Variants in STAMBP observed in about 807,000 individuals in gnomAD.
STAMBP encodes STAM-binding protein.
In STAMBP, 31 loss-of-function variants were observed where a neutral mutation model predicts 50.7. The ratio of observed to expected loss-of-function variants is 0.61; its 90% CI spans 0.46 to 0.83. The LOEUF (loss-of-function observed/expected upper bound fraction) is 0.83. Ranked by LOEUF, STAMBP falls within the 40% of genes least tolerant of loss-of-function variation. The pLI is 0.00. For missense variants in STAMBP, 472 were observed against 518.9 expected (o/e 0.91, Z 0.88); for synonymous variants, 211 against 192.4 (o/e 1.10, Z -0.80).
At chr2:73,854,817 A>G (rs1269083184) in intron 7 of STAMBP, among the ~76,000 whole-genome samples, 1 of 151,908 alleles carries the variant, frequency 6.6e-6, no homozygotes, top group East Asian at 1.9e-4. Context: ...GCAAGACCTC[A>G]TCTCTATAAA....
intron 8 of STAMBP, among the ~76,000 whole-genome samples, chr2:73,859,568 C>A (rs1678035343): frequency 6.6e-6 from 1 of 151,964 alleles, no homozygotes; most frequent in South Asian, 2.1e-4. Context: ...ATCCAAGTAA[C>A]AACTTAGTTG....
At chr2:73,857,616 A>T (rs1677725178) in intron 7 of STAMBP, among the ~76,000 whole-genome samples, 1 of 152,188 alleles carries the variant, frequency 6.6e-6, no homozygotes, top group African/African-American at 2.4e-5. Context: ...TTGGTATGTC[A>T]TCTATAACCA....
chr2:73,859,403 G>A (rs113466284), intron 8 of STAMBP, 37 bp downstream of exon 8: 12 of 1,533,728 alleles, frequency 7.8e-6, no homozygotes, highest in Middle Eastern at 1.7e-4. Flanking sequence ...TGTTTCAAGG[G>A]GGTAGTAGGG....
chr2:73,872,655 T>C (rs1338222783), intron 10 of STAMBP, among the ~76,000 whole-genome samples: 1 of 152,198 alleles, frequency 6.6e-6, no homozygotes, highest in Non-Finnish European at 1.5e-5. Context: ...GGAACCCAAG[T>C]GAGGGAGAAA....
chr2:73,861,981 C>T (rs1168823469), intron 9 of STAMBP, among the ~76,000 whole-genome samples: 1 of 151,944 alleles, frequency 6.6e-6, no homozygotes, highest in Non-Finnish European at 1.5e-5. Flanking sequence ...CTACTAAAAA[C>T]ACAAAATTAG....
chr2:73,842,794 T>C (rs1169635423), intron 2 of STAMBP, among the ~76,000 whole-genome samples: 1 of 152,216 alleles, frequency 6.6e-6, no homozygotes, highest in Non-Finnish European at 1.5e-5. Context: ...ATCAAATATT[T>C]ATTGAGTGCC....
Position 73,850,110 on chromosome 2 carries a change from T to C in STAMBP, c.868-266T>C, listed in dbSNP as rs1676624657. 6.6e-6 allele frequency among the ~76,000 whole-genome samples: 1 copy of C among 152,050 alleles called. No homozygotes were observed. The highest frequency in any genetic ancestry group is 2.1e-4 in the South Asian group (1 of 4,816). On this transcript the variant is annotated intron_variant, in intron 6 of 9. Transcript: ENST00000394070. The surrounding 1 kb of genome is among the most constrained non-coding windows in gnomAD (Gnocchi z 4.3). ...ACCCAGAGCTTCTCAGCAGAGCAGT[T>C]TGGCACAGCAGGAAATTCCCTCAGG...
intron 2 of STAMBP, among the ~76,000 whole-genome samples, chr2:73,837,669 T>C (rs1674898083): frequency 6.6e-6 from 1 of 151,924 alleles, no homozygotes; most frequent in Non-Finnish European, 1.5e-5. Context: ...AAAACTGTTT[T>C]TCCATAAAAT....
chr2:73,855,945 T>G (rs895899347), intron 7 of STAMBP, among the ~76,000 whole-genome samples: 17 of 152,240 alleles, frequency 1.1e-4, no homozygotes, highest in African/African-American at 3.4e-4. Context: ...TTATTGTCTG[T>G]GCTTTTCTGT....
In STAMBP at chr2:73,836,544, C is replaced by A. The variant is rs560865750; in HGVS notation, c.203+5485C>A. On this transcript the variant is annotated intron_variant, in intron 2 of 9. Transcript: ENST00000394070. ...GGAGGGAGCTGTGGGAGGAATAGAC[C>A]CTGTCCAGCCCCAGCCCTGAGCAGG... Among the ~76,000 whole-genome samples, 10 of 152,320 alleles carry A rather than the reference C, an allele frequency of 6.6e-5. No homozygotes were observed. The South Asian group carries it at 2.1e-3, about 32-fold the overall frequency.
intron 7 of STAMBP, among the ~76,000 whole-genome samples, chr2:73,853,782 A>G (rs562780045): frequency 1.3e-5 from 2 of 152,324 alleles, no homozygotes; most frequent in South Asian, 2.1e-4. Context: ...CTATGTACAT[A>G]CACTACCTAG....
Position 73,849,461 on chromosome 2 carries a change from A to G in STAMBP, c.841A>G (p.Thr281Ala). ...ASANTARGVETCGILCGKLMR... is the reference protein window; with the variant it reads ...ASANTARGVEACGILCGKLMR... ...TGCCAACACTGCCCGGGGAGTGGAG[A>G]CATGTGGAATTCTCTGTGGAAAACT... The change falls in exon 6 of 10, where the codon ACA (threonine) becomes GCA (alanine). Residue 281 changes from threonine (T) to alanine (A), a missense_variant. By Grantham distance (58) the Thr-to-Ala change is moderately conservative. Transcript: ENST00000394070. 6.2e-7 allele frequency: 1 copy of G among 1,609,104 alleles called. No individual in the cohort carries two copies. Among genetic ancestry groups the G allele is most frequent in the Non-Finnish European group, 8.5e-7 (1 of 1,178,430 alleles).
At chr2:73,860,421 C>T in intron 9 of STAMBP, 11 of 564,736 alleles carry the variant, frequency 1.9e-5, no homozygotes, top group Non-Finnish European at 2.8e-5. Flanking sequence ...ATAATAACAC[C>T]TACTTTATAG....
rs1678628609 is a variant in STAMBP at position 73,864,003 on chromosome 2, T to C, written c.*1744T>C. On this transcript the variant is annotated 3_prime_UTR_variant, in exon 10 of 10. Coordinates refer to ENST00000394070, the MANE Select transcript of STAMBP (RefSeq NM_213622.4). ...TAAATTTAGCTTTTAGTCAGAACTT[T>C]CCACTTAAAGTTCTTACCCCTGGCT... 6.6e-6 allele frequency: 1 copy of C among 152,236 alleles called. No homozygotes were observed. Among genetic ancestry groups the C allele is most frequent in the Non-Finnish European group, 1.5e-5 (1 of 68,040 alleles). The allele number at this position is 152,236 out of a possible 1,614,324, so 9.4% of individuals were successfully genotyped here.
downstream of STAMBP, among the ~76,000 whole-genome samples, chr2:73,870,850 C>G (rs1679171894): frequency 6.6e-6 from 1 of 152,208 alleles, no homozygotes; most frequent in African/African-American, 2.4e-5. Flanking sequence ...ACCCTGCTTG[C>G]CACACTTAGA....
rs1326811309 is a variant in STAMBP at position 73,860,096 on chromosome 2, C to G, written c.1163C>G (p.Ser388Cys). Residue 388 changes from serine to cysteine, a missense_variant, in exon 9 of 10, where the codon TCT becomes TGT. By Grantham distance (112) the Ser-to-Cys change is moderately radical. Transcript: ENST00000394070. ...KLTDHGLEEI[S>C]SCRQKGFHPH... ...ACTGACCATGGACTAGAGGAGATTT[C>G]TTCCTGTCGCCAGAAAGGATTTCAT... is the stretch of plus-strand genomic sequence containing the variant. 1 of 1,613,304 alleles carries G rather than the reference C, an allele frequency of 6.2e-7. No individual in the cohort carries two copies. The highest frequency in any genetic ancestry group is 1.3e-5 in the African/African-American group (1 of 74,292).
downstream of STAMBP, among the ~76,000 whole-genome samples, chr2:73,868,876 CAAAAAAA>C (rs1679075908): frequency 6.8e-6 from 1 of 146,496 alleles, no homozygotes; most frequent in African/African-American, 2.6e-5. Flanking sequence ...GGCCTTGACT[CAAAAAAA>C]GAAAAAAAAA....
intron 4 of STAMBP, among the ~76,000 whole-genome samples, chr2:73,845,895 G>A (rs933656488): frequency 7.2e-5 from 11 of 152,218 alleles, no homozygotes; most frequent in African/African-American, 2.7e-4. Context: ...GCCTTCCAAA[G>A]TGCTGGGATT....
intron 8 of STAMBP, among the ~76,000 whole-genome samples, chr2:73,859,727 A>AAAAAAAT (rs989302803): frequency 1.3e-5 from 2 of 151,542 alleles, no homozygotes; most frequent in African/African-American, 4.8e-5. Flanking sequence ...TAAAAAAATA[A>AAAAAAAT]AAATAAAAAA....
Sources: allele counts gnomAD v4.1 joint callset (sites outside exome capture counted in the v4.1 genomes callset), GRCh38; gene constraint gnomAD v4.1.1; non-coding constraint Gnocchi (gnomAD v3.1); transcripts MANE v1.5; gene names NCBI Gene and HGNC (gene_info 2026-07-23, HGNC 2026-07-21).